SYT14: variants seen among roughly 807,000 people sequenced by gnomAD.
The protein encoded by SYT14 is synaptotagmin-14.
A neutral mutation model predicts 74.2 loss-of-function variants in SYT14; 32 were observed. The observed-to-expected ratio is 0.43, with a 90% CI of 0.33 to 0.58. SYT14 has a LOEUF of 0.58. SYT14 is among the 20% of genes least tolerant of loss of function. The pLI, the probability that SYT14 is intolerant of heterozygous loss-of-function variation, is 0.05. For missense variants in SYT14, 791 were observed against 981.8 expected (o/e 0.81, Z 2.60); for synonymous variants, 298 against 337.7 (o/e 0.88, Z 1.29).
At chr1:210,150,028 A>G (rs141416288) in intron 7 of SYT14, among the ~76,000 whole-genome samples, 6 of 152,298 alleles carry the variant, frequency 3.9e-5, no homozygotes, top group Admixed American at 3.9e-4. Context: ...CTGCCCCTGT[A>G]TTATGCTGAA....
intron 7 of SYT14, among the ~76,000 whole-genome samples, chr1:210,155,364 T>C (rs939269855): frequency 4.6e-5 from 7 of 152,244 alleles, no homozygotes; most frequent in South Asian, 4.1e-4. Context: ...ATTTGATGTA[T>C]TGAGTCTAAA....
chr1:210,026,180 T>G (rs2080407277), intron 5 of SYT14, among the ~76,000 whole-genome samples: 1 of 152,126 alleles, frequency 6.6e-6, no homozygotes, highest in Admixed American at 6.5e-5. Context: ...ATTAAATCCT[T>G]TTGTTCACAG....
intron 7 of SYT14, among the ~76,000 whole-genome samples, chr1:210,137,717 G>GT (rs113847849): frequency 0.14 from 17,945 of 124,986 alleles, 1,429 homozygotes; most frequent in South Asian, 0.25. Flanking sequence ...TTTTGCTCTT[G>GT]TTACCCAGGC....
At chr1:209,973,254 A>G (rs2102761294) in intron 2 of SYT14, among the ~76,000 whole-genome samples, 1 of 152,052 alleles carries the variant, frequency 6.6e-6, no homozygotes, top group South Asian at 2.1e-4. Flanking sequence ...GTACATGTGC[A>G]CAACGTGCAG....
At chr1:210,100,915 GAT>G (rs1255531446) in intron 7 of SYT14, among the ~76,000 whole-genome samples, 1 of 152,092 alleles carries the variant, frequency 6.6e-6, no homozygotes, top group African/African-American at 2.4e-5. Flanking sequence ...GTCCCGACTG[GAT>G]ATGTTTCCAG....
intron 7 of SYT14, among the ~76,000 whole-genome samples, chr1:210,124,367 C>G (rs899542254): frequency 5.0e-4 from 76 of 152,002 alleles, no homozygotes; most frequent in African/African-American, 1.8e-3. Context: ...TAACATATGA[C>G]TAACAGGTGA....
At chr1:210,000,632 T>G (rs2079881199) in intron 2 of SYT14, among the ~76,000 whole-genome samples, 1 of 131,096 alleles carries the variant, frequency 7.6e-6, no homozygotes. Flanking sequence ...TTTTTTTTTT[T>G]GAGATAGAGT....
At chr1:210,125,079 T>G (rs575287913) in intron 7 of SYT14, among the ~76,000 whole-genome samples, 1 of 152,024 alleles carries the variant, frequency 6.6e-6, no homozygotes, top group Non-Finnish European at 1.5e-5. Flanking sequence ...TTTTTTTTTT[T>G]AGATTCAGGG....
intron 2 of SYT14, among the ~76,000 whole-genome samples, chr1:209,955,582 T>C (rs1663786443): frequency 6.6e-6 from 1 of 152,226 alleles, no homozygotes; most frequent in Non-Finnish European, 1.5e-5. Context: ...TTTCCCTACT[T>C]GGCATTTTTA....
intron 2 of SYT14, among the ~76,000 whole-genome samples, chr1:209,992,003 A>G (rs553965574): frequency 2.0e-5 from 3 of 152,336 alleles, no homozygotes; most frequent in African/African-American, 4.8e-5. Context: ...ATTACTTAGT[A>G]TAGGCTCAAG....
At position 210,170,069 on chromosome 1, in the gene SYT14, T is replaced by C. The variant is rs370183610; in HGVS notation, c.*9027T>C. On this transcript the variant is annotated 3_prime_UTR_variant, in exon 10 of 10. Coordinates refer to ENST00000637265, the Ensembl canonical transcript of SYT14. ...ATTTTTCTAATAATGGATATAACAG[T>C]GTGATAAAGTTTAAATGCTCCGTGA... is the stretch of plus-strand genomic sequence containing the variant. The C allele has an allele frequency of 2.0e-4, 30 of 152,236 alleles. No individual in the cohort carries two copies. The East Asian group carries it at 4.4e-3, about 22-fold the overall frequency. The allele number at this position is 152,236 out of a possible 1,614,324, so 9.4% of individuals were successfully genotyped here.
At chr1:210,021,940 T>G (rs985310317) in intron 5 of SYT14, among the ~76,000 whole-genome samples, 1 of 152,226 alleles carries the variant, frequency 6.6e-6, no homozygotes, top group African/African-American at 2.4e-5. Context: ...TTTACGTCTT[T>G]CTGTGACATA....
chr1:210,109,175 C>T (rs2082213395), intron 7 of SYT14, among the ~76,000 whole-genome samples: 1 of 152,044 alleles, frequency 6.6e-6, no homozygotes, highest in African/African-American at 2.4e-5. Context: ...AAGACATTTA[C>T]GTGGCCAACA....
intron 2 of SYT14, among the ~76,000 whole-genome samples, chr1:210,000,466 GCACACA>G (rs375046637): frequency 1.5e-3 from 221 of 143,194 alleles, no homozygotes; most frequent in African/African-American, 4.9e-3. Context: ...GTCCTCATAC[GCACACA>G]CACACACACA....
intron 2 of SYT14, among the ~76,000 whole-genome samples, chr1:209,985,063 G>C (rs948285741): frequency 3.9e-4 from 59 of 152,124 alleles, no homozygotes; most frequent in African/African-American, 1.4e-3. Context: ...TTCCACCCCT[G>C]GCCCCACAAA....
intron 7 of SYT14, among the ~76,000 whole-genome samples, chr1:210,143,242 T>C (rs2082956362): frequency 2.6e-5 from 4 of 152,174 alleles, no homozygotes; most frequent in African/African-American, 9.6e-5. Context: ...ACATTGCAGC[T>C]AGCCAAAAAA....
At chr1:210,146,967 T>C (rs2083052309) in intron 7 of SYT14, among the ~76,000 whole-genome samples, 1 of 151,908 alleles carries the variant, frequency 6.6e-6, no homozygotes, top group South Asian at 2.1e-4. Flanking sequence ...GGCTATACAA[T>C]TCCCACAGAA....
chr1:209,978,564 A>G (rs2102786866), intron 2 of SYT14, among the ~76,000 whole-genome samples: 1 of 152,194 alleles, frequency 6.6e-6, no homozygotes, highest in South Asian at 2.1e-4. Flanking sequence ...GTTCCTCTGG[A>G]AGTTTTGTCT....
intron 5 of SYT14, among the ~76,000 whole-genome samples, chr1:210,050,302 T>G (rs1204322901): frequency 6.6e-6 from 1 of 152,212 alleles, no homozygotes; most frequent in Non-Finnish European, 1.5e-5. Context: ...AGAGTCACCT[T>G]TGCTCTGGTT....
Sources: gnomAD v4.1 joint callset for allele counts (sites outside exome capture counted in the v4.1 genomes callset) on GRCh38, gnomAD v4.1.1 for gene constraint, MANE v1.5 for transcripts, NCBI Gene and HGNC (gene_info 2026-07-23, HGNC 2026-07-21) for gene names.